The following CLEC4M variants were observed in gnomAD, a reference collection of about 807,000 sequenced individuals.
The protein encoded by CLEC4M is C-type lectin domain family 4 member M, also known as CD209 antigen-like protein 1.
A neutral mutation model predicts 39.1 loss-of-function variants in CLEC4M; 25 were observed. The observed-to-expected ratio is 0.64, with a 90% CI of 0.47 to 0.89. CLEC4M has a LOEUF of 0.89. Ranked by LOEUF, CLEC4M falls within the 40% of genes least tolerant of loss-of-function variation. The pLI, the probability that CLEC4M is intolerant of heterozygous loss-of-function variation, is 0.00. For missense variants in CLEC4M, 353 were observed against 431.4 expected (o/e 0.82, Z 1.61); for synonymous variants, 155 against 177.4 (o/e 0.87, Z 1.00).
chr19:7,763,832 G>A (rs531372460), intron 2 of CLEC4M, among the ~76,000 whole-genome samples: 31 of 151,070 alleles, frequency 2.1e-4, no homozygotes, highest in African/African-American at 6.8e-4. Context: ...CCTGGGTCCT[G>A]GGGCAGGTGA....
rs746558599 is a variant in CLEC4M, at chr19:7,767,502, C to T, written c.937-14C>T. 7 of 1,605,536 alleles carry T rather than the reference C, an allele frequency of 4.4e-6. No homozygotes were observed. In the East Asian group the frequency reaches 1.1e-4, roughly 26 times the overall value. ...GAAGCAGAGCTCCCTCCTGACTCCT[C>T]CTCTACCCTCCAGAACTTCCTACAG... is the stretch of plus-strand genomic sequence containing the variant. On this transcript the variant is annotated splice_polypyrimidine_tract_variant and intron_variant, in intron 5 of 6. Transcript: ENST00000327325.
intron 6 of CLEC4M, 143 bp downstream of exon 6, chr19:7,767,771 G>T: frequency 1.5e-6 from 1 of 661,016 alleles, no homozygotes; most frequent in Non-Finnish European, 2.6e-6. Context: ...GAGGAAGGTG[G>T]TCTTCATACC....
chr19:7,768,610 T>A, intron 6 of CLEC4M: 3 of 399,426 alleles, frequency 7.5e-6, no homozygotes, highest in Non-Finnish European at 1.3e-5. Context: ...GAACAAAGGA[T>A]AAAAAAGAAA....
rs559077091 is a variant in CLEC4M, at chr19:7,766,436, C to A, written c.785-220C>A. The A allele has an allele frequency of 1.3e-5, 19 of 1,449,788 alleles. 1 individual carries two copies. In the South Asian group the frequency reaches 2.7e-4, roughly 20 times the overall value. 89.8% of individuals were successfully genotyped at this position (1,449,788 alleles called of 1,614,324 possible). ...TCTGAGCTCTAAAGCTGCTAATTCT[C>A]CCAGTCTGGAAGAGATGGAGCCAGG... On this transcript the variant is annotated intron_variant, in intron 4 of 6. Transcript: ENST00000327325.
rs756929994 is a variant in CLEC4M, at chr19:7,768,843, A to G, written c.1055A>G (p.Gln352Arg). ...VDGSPLSPSF[Q>R]RYWNSGEPNN... ...ATTCTGCATGGGCTTTGCAGCTTCC[A>G]GCGGTACTGGAACAGTGGAGAACCC... Residue 352 changes from glutamine to arginine, a missense_variant, in exon 7 of 7, where the codon CAG becomes CGG. Transcript: ENST00000327325. 6.2e-7 allele frequency: 1 copy of G among 1,613,988 alleles called. No homozygotes were observed. The highest frequency in any genetic ancestry group is 1.1e-5 in the South Asian group (1 of 91,070).
rs1387263012 is a variant in CLEC4M at position 7,763,410 on chromosome 19, A to T, written c.64A>T (p.Ser22Cys). 2 of 1,613,978 alleles carry T rather than the reference A, an allele frequency of 1.2e-6. No homozygotes were observed. Among genetic ancestry groups the T allele is most frequent in the African/African-American group, 2.7e-5 (2 of 74,922 alleles). ...LGLLEEDPTT[S>C]GIRLFPRDFQ... Reference sequence around the variant, plus strand: ...CAATTCAGAAGAAGATCCAACAACCAGTGGCATCAGACTTTTTCCAAGAGA... The same window carrying T: ...CAATTCAGAAGAAGATCCAACAACCTGTGGCATCAGACTTTTTCCAAGAGA... Residue 22 changes from serine to cysteine, a missense_variant, in exon 2 of 7, where the codon AGT becomes TGT. Coordinates refer to ENST00000327325, the MANE Select transcript of CLEC4M (RefSeq NM_014257.5).
Position 7,766,179 on chromosome 19 carries a change from A to G in CLEC4M, c.756A>G (p.Gln252=). Residue 252 remains glutamine, a synonymous_variant, in exon 4 of 7, where the codon CAA becomes CAG. Coordinates refer to ENST00000327325, the MANE Select transcript of CLEC4M (RefSeq NM_014257.5). ...AGTCCAAGCAGCAGCAAATCTATCA[A>G]GAACTGACCGATTTGAAGACTGCAT... ...PDQSKQQQIY[Q]ELTDLKTAFE... 6.2e-7 allele frequency: 1 copy of G among 1,614,180 alleles called. No individual in the cohort carries two copies. The highest frequency in any genetic ancestry group is 8.5e-7 in the Non-Finnish European group (1 of 1,180,018).
rs1247767553 is a variant in CLEC4M at position 7,767,303 on chromosome 19, A to G, written c.937-213A>G. 5.4e-6 allele frequency: 3 copies of G among 550,880 alleles called. No individual in the cohort carries two copies. In the East Asian group the frequency reaches 9.0e-5, roughly 17 times the overall value. The allele number at this position is 550,880 out of a possible 1,614,324, so 34.1% of individuals were successfully genotyped here. A position where few individuals can be genotyped will look rare whatever the true frequency, so the allele number is the denominator to read the frequency against. ...GCAGCATTCACAGGAGCACATGAGG[A>G]GAGGCCAGCTGTGCATGCGTGCCTG... On this transcript the variant is annotated intron_variant, in intron 5 of 6. Transcript: ENST00000327325.
At chr19:7,766,952 A>T in intron 5 of CLEC4M, 145 bp downstream of exon 5, 1 of 1,392,162 alleles carries the variant, frequency 7.2e-7, no homozygotes, top group Non-Finnish European at 9.6e-7. Flanking sequence ...AAGGGGTCCC[A>T]GGTACCCTTC....
chr19:7,765,276 G>A lies in CLEC4M; in HGVS notation c.214+8G>A. 6.2e-7 allele frequency: 1 copy of A among 1,614,086 alleles called. No homozygotes were observed. Among genetic ancestry groups the A allele is most frequent in the South Asian group, 1.1e-5 (1 of 91,076 alleles). ...TGGCCATCCTTGTCCAAGGTCAGGGGCAGGTTCTGAGGGTCTGGGGTCCCC... is the reference window on the plus strand; with the variant it reads ...TGGCCATCCTTGTCCAAGGTCAGGGACAGGTTCTGAGGGTCTGGGGTCCCC... On this transcript the variant is annotated splice_region_variant and intron_variant, in intron 3 of 6. Coordinates refer to ENST00000327325, the MANE Select transcript of CLEC4M (RefSeq NM_014257.5).
rs2034429715 is a variant in CLEC4M, at chr19:7,769,571, G to A, written c.*583G>A. ...TCCATTTGGCTGTTTCTGAGTTGTA[G>A]CCTTTATAATAAAGTGGTAAATGTT... On this transcript the variant is annotated 3_prime_UTR_variant, in exon 7 of 7. Coordinates refer to ENST00000327325, the MANE Select transcript of CLEC4M (RefSeq NM_014257.5). 6.6e-6 allele frequency: 1 copy of A among 152,488 alleles called. No individual in the cohort carries two copies. Among genetic ancestry groups the A allele is most frequent in the South Asian group, 2.1e-4 (1 of 4,846 alleles). 9.4% of individuals were successfully genotyped at this position (152,488 alleles called of 1,614,324 possible).
intron 5 of CLEC4M, 123 bp downstream of exon 5, chr19:7,766,930 A>G: frequency 6.6e-7 from 1 of 1,522,302 alleles, no homozygotes; most frequent in Non-Finnish European, 8.8e-7. Context: ...TGGGAAGAGA[A>G]GGATATGAAT....
At chr19:7,765,081 G>A (rs2034188932) in intron 2 of CLEC4M, 104 bp from the exon 3 acceptor site, 41 of 1,248,520 alleles carry the variant, frequency 3.3e-5, no homozygotes, top group Non-Finnish European at 4.4e-5. Context: ...GGGGGCTGGG[G>A]CTGGGGTTCC....
intron 5 of CLEC4M, chr19:7,767,058 C>A: frequency 1.7e-6 from 1 of 598,032 alleles, no homozygotes; most frequent in South Asian, 2.1e-5. Context: ...GTTTAACGGC[C>A]AGCTCTCCGG....
chr19:7,765,791 T>C lies in CLEC4M; in HGVS notation c.368T>C (p.Val123Ala), dbSNP rs766756019. 7 of 1,611,968 alleles carry C rather than the reference T, an allele frequency of 4.3e-6. No individual in the cohort carries two copies. The highest frequency in any genetic ancestry group is 2.2e-5 in the East Asian group (1 of 44,834). ...YQELTQLKAA[V>A]GELPEKSKLQ... ...GAGCTGACCCAGCTGAAGGCTGCAG[T>C]GGGTGAGTTGCCAGAGAAATCCAAG... Residue 123 changes from valine to alanine, a missense_variant, in exon 4 of 7, where the codon GTG becomes GCG. Physicochemically the swap from Val to Ala is moderately conservative, Grantham distance 64. Coordinates refer to ENST00000327325, the MANE Select transcript of CLEC4M (RefSeq NM_014257.5).
Position 7,767,706 on chromosome 19 carries a change from T to TC in CLEC4M, c.1049+85dup, listed in dbSNP as rs1278939512. ...CTCTGACTTGAGCTTTCCCTGGGGGTCCCCCCCAACCTCCCTGACCCCATA... is the reference window on the plus strand; with the variant it reads ...CTCTGACTTGAGCTTTCCCTGGGGGTCCCCCCCCAACCTCCCTGACCCCATA... On this transcript the variant is annotated intron_variant, in intron 6 of 6. Coordinates refer to ENST00000327325, the MANE Select transcript of CLEC4M (RefSeq NM_014257.5). 3.1e-5 allele frequency: 41 copies of TC among 1,309,572 alleles called. No homozygotes were observed. The Admixed American group carries it at 3.6e-4, about 12-fold the overall frequency. 81.1% of individuals were successfully genotyped at this position (1,309,572 alleles called of 1,614,324 possible). A position where few individuals can be genotyped will look rare whatever the true frequency, so the allele number is the denominator to read the frequency against.
intron 2 of CLEC4M, among the ~76,000 whole-genome samples, chr19:7,764,498 AT>A (rs1320747586): frequency 6.6e-6 from 1 of 150,750 alleles, no homozygotes; most frequent in African/African-American, 2.4e-5. Context: ...TTATTTATTT[AT>A]TTTTTTTGAG....
At chr19:7,766,432 T>C (rs2034277987) in intron 4 of CLEC4M, 1 of 1,449,822 alleles carries the variant, frequency 6.9e-7, no homozygotes, top group Admixed American at 2.8e-5. Flanking sequence ...AAGCTGCTAA[T>C]TCTCCCAGTC....
Position 7,768,878 on chromosome 19 carries a change from G to A in CLEC4M, c.1090G>A (p.Gly364Arg), listed in dbSNP as rs141012314. 92 of 1,614,030 alleles carry A rather than the reference G, an allele frequency of 5.7e-5. 2 individuals carry two copies. In the African/African-American group the frequency reaches 8.0e-4, roughly 14 times the overall value. ...YWNSGEPNNS[G>R]NEDCAEFSGS... ...GAACAGTGGAGAACCCAACAATAGC[G>A]GGAATGAAGACTGTGCGGAATTTAG... Residue 364 changes from glycine to arginine, a missense_variant, in exon 7 of 7, where the codon GGG (glycine) becomes AGG (arginine). Gly to Arg is a moderately radical substitution (Grantham distance 125, BLOSUM62 -2). This residue lies in a region of CLEC4M where 196 missense variants were observed against 211.7 expected (regional missense o/e 0.93). Coordinates refer to ENST00000327325, the MANE Select transcript of CLEC4M (RefSeq NM_014257.5).
Sources: allele counts gnomAD v4.1 joint callset (sites outside exome capture counted in the v4.1 genomes callset), GRCh38; gene constraint gnomAD v4.1.1; regional missense constraint gnomAD v4.1.1; transcripts MANE v1.5; gene names NCBI Gene and HGNC (gene_info 2026-07-23, HGNC 2026-07-21).